The following RABEP2 variants were observed in gnomAD, a reference collection of about 807,000 sequenced individuals.
RABEP2 encodes the protein rabaptin, RAB GTPase binding effector protein 2, also known as rab GTPase-binding effector protein 2.
Under a neutral mutation model 74.1 loss-of-function variants are expected in RABEP2, and 57 were observed. The ratio of observed to expected loss-of-function variants is 0.77; its 90% CI spans 0.62 to 0.96. RABEP2 has a LOEUF of 0.96. Among genes scored for constraint, RABEP2 ranks in the 40% least tolerant of loss-of-function variants. RABEP2 has a pLI of 0.00. For synonymous variants in RABEP2, 351 were observed against 344.0 expected, an observed-to-expected ratio of 1.02 and a Z score of -0.23; for missense variants, 692 against 756.3, an observed-to-expected ratio of 0.91 and a Z score of 1.00.
At chr16:28,918,300 T>A (rs558066288) in intron 3 of RABEP2, among the ~76,000 whole-genome samples, 1 of 152,008 alleles carries the variant, frequency 6.6e-6, no homozygotes, top group African/African-American at 2.4e-5. Context: ...TGACATATCA[T>A]AGAGATTAAG....
At chr16:28,920,353 A>AT (rs969099104) in intron 2 of RABEP2, among the ~76,000 whole-genome samples, 2 of 147,554 alleles carry the variant, frequency 1.4e-5, no homozygotes, top group Non-Finnish European at 3.0e-5. Context: ...AACGGTAAGA[A>AT]TTTTTTTTGG....
Position 28,905,897 on chromosome 16 carries a change from G to A in RABEP2, c.1424-19C>T. The stretch of plus-strand genomic sequence containing the variant: ...AGCACCTCTGTGGGAAGGAAAGAAA[G>A]AGAGGTCAAGGCCAGCCTCTCTCCC... On this transcript the variant is annotated intron_variant, in intron 9 of 12. Transcript: ENST00000358201. 3.1e-6 allele frequency: 5 copies of A among 1,613,562 alleles called. No individual in the cohort carries two copies. The highest frequency in any genetic ancestry group is 2.2e-5 in the South Asian group (2 of 91,086).
intron 7 of RABEP2, among the ~76,000 whole-genome samples, chr16:28,909,361 G>A (rs1964280243): frequency 6.6e-6 from 1 of 152,106 alleles, no homozygotes; most frequent in Non-Finnish European, 1.5e-5. Flanking sequence ...ACAGGTGTGA[G>A]CCACCGTGCC....
At chr16:28,909,145 C>T (rs1243097259) in intron 7 of RABEP2, among the ~76,000 whole-genome samples, 1 of 151,946 alleles carries the variant, frequency 6.6e-6, no homozygotes, top group South Asian at 2.1e-4. Flanking sequence ...AGAGTGATCT[C>T]GGCTCACTGC....
chr16:28,910,957 GT>G lies in RABEP2; in HGVS notation c.1019del (p.Asn340ThrfsTer13). On this transcript the variant is annotated frameshift_variant, in exon 7 of 13. Coordinates refer to ENST00000358201, the MANE Select transcript of RABEP2 (RefSeq NM_024816.3). LOFTEE classifies it high-confidence loss of function. ...GCAGGGTCCGCAGCAGCTGCTCTGA[GT>G]TCTGGACCTGGGCCAGGAGCACCTG... Reference protein sequence around the residue: ...QMQVLLAQVQNSEQLLRTLQG... With the variant: ...QMQVLLAQVQXSEQLLRTLQG... The G allele has an allele frequency of 6.2e-7, 1 of 1,612,846 alleles. No individual in the cohort carries two copies. Among genetic ancestry groups the G allele is most frequent in the Non-Finnish European group, 8.5e-7 (1 of 1,179,310 alleles).
intron 5 of RABEP2, among the ~76,000 whole-genome samples, chr16:28,913,941 T>G (rs1040931845): frequency 6.6e-6 from 1 of 151,538 alleles, no homozygotes; most frequent in African/African-American, 2.4e-5. Flanking sequence ...CTTGGCTTTT[T>G]TTTTTTTTTT....
intron 2 of RABEP2, among the ~76,000 whole-genome samples, chr16:28,920,628 C>T (rs1387868147): frequency 2.6e-5 from 4 of 151,988 alleles, no homozygotes; most frequent in Non-Finnish European, 5.9e-5. Context: ...TCAAGCGATC[C>T]GCCCGCCTTG....
chr16:28,915,384 C>G (rs1408065317), intron 3 of RABEP2, among the ~76,000 whole-genome samples: 6 of 151,230 alleles, frequency 4.0e-5, no homozygotes, highest in Admixed American at 1.3e-4. Context: ...GGCCAGCACA[C>G]TTCACATTGT....
At chr16:28,907,854 C>T (rs1964256105) in intron 8 of RABEP2, among the ~76,000 whole-genome samples, 2 of 152,120 alleles carry the variant, frequency 1.3e-5, no homozygotes, top group African/African-American at 4.8e-5. Flanking sequence ...GGCTGGAGTG[C>T]AATGGCGCGA....
intron 2 of RABEP2, chr16:28,924,115 C>T (rs781380361): frequency 3.0e-5 from 14 of 462,490 alleles, no homozygotes; most frequent in South Asian, 8.9e-5. Flanking sequence ...TCTCGCCCAT[C>T]TTCAGGGTTG....
intron 3 of RABEP2, among the ~76,000 whole-genome samples, chr16:28,917,073 G>A (rs562079595): frequency 4.6e-5 from 7 of 151,520 alleles, no homozygotes; most frequent in South Asian, 2.1e-4. Flanking sequence ...CATCCTAATC[G>A]ATTTGTTCTC....
At chr16:28,909,670 C>T (rs1186600751) in intron 7 of RABEP2, among the ~76,000 whole-genome samples, 2 of 151,792 alleles carry the variant, frequency 1.3e-5, no homozygotes, top group South Asian at 2.1e-4. Context: ...GCTCTGATTG[C>T]ACCACTGCAC....
At chr16:28,925,055 G>GC in intron 1 of RABEP2, 48 bp downstream of exon 1, 1 of 1,473,220 alleles carries the variant, frequency 6.8e-7, no homozygotes, top group South Asian at 1.2e-5. Flanking sequence ...GCTCGGCCCC[G>GC]CCCCCAGCAT....
chr16:28,920,214 AAAAAT>A (rs906097175), intron 2 of RABEP2, among the ~76,000 whole-genome samples: 42 of 152,192 alleles, frequency 2.8e-4, no homozygotes, highest in East Asian at 5.8e-4. Flanking sequence ...TAGTGTACAA[AAAAAT>A]AAAATAAAAT....
chr16:28,916,455 T>C (rs1420134476), intron 3 of RABEP2, among the ~76,000 whole-genome samples: 1 of 149,382 alleles, frequency 6.7e-6, no homozygotes, highest in African/African-American at 2.5e-5. Flanking sequence ...GCAGATCACC[T>C]GAGGGCAGGA....
chr16:28,925,035 C>A (rs1964516692), intron 1 of RABEP2, 68 bp downstream of exon 1: 1 of 1,486,828 alleles, frequency 6.7e-7, no homozygotes. Context: ...CCCCCATCCG[C>A]AGGTGGCTGG....
At chr16:28,921,752 G>C (rs1964470810) in intron 2 of RABEP2, among the ~76,000 whole-genome samples, 1 of 149,898 alleles carries the variant, frequency 6.7e-6, no homozygotes, top group African/African-American at 2.5e-5. Flanking sequence ...GATCATCTAG[G>C]TCAGGAGTTC....
intron 5 of RABEP2, among the ~76,000 whole-genome samples, chr16:28,912,895 A>G (rs1175346663): frequency 6.6e-6 from 1 of 151,350 alleles, no homozygotes; most frequent in Non-Finnish European, 1.5e-5. Context: ...TTCCTCAGAC[A>G]CACTGTGGTC....
Position 28,914,700 on chromosome 16 carries a change from C to T in RABEP2, c.515G>A (p.Arg172Lys). The change falls in exon 4 of 13, where the codon AGG becomes AAG. Residue 172 changes from arginine to lysine, a missense_variant. Physicochemically the swap from Arg to Lys is conservative, Grantham distance 26. Coordinates refer to ENST00000358201, the MANE Select transcript of RABEP2 (RefSeq NM_024816.3). ...EIEELKAKLL[R>K]AEELIQEIQR... ...GATCTCCTGAATCAGCTCCTCGGCCCTCAGCAGCTTCGCCTTCAGCTCCTC... is the reference window on the plus strand; with the variant it reads ...GATCTCCTGAATCAGCTCCTCGGCCTTCAGCAGCTTCGCCTTCAGCTCCTC... 3.1e-6 allele frequency: 5 copies of T among 1,614,190 alleles called. No homozygotes were observed. Among genetic ancestry groups the T allele is most frequent in the South Asian group, 1.1e-5 (1 of 91,080 alleles).
Sources: gnomAD v4.1 joint callset for allele counts (sites outside exome capture counted in the v4.1 genomes callset) on GRCh38, gnomAD v4.1.1 for gene constraint, MANE v1.5 for transcripts, NCBI Gene and HGNC (gene_info 2026-07-23, HGNC 2026-07-21) for gene names.